The following EZH2 variants were observed in gnomAD, a reference collection of about 807,000 sequenced individuals.
EZH2 encodes the protein enhancer of zeste 2 polycomb repressive complex 2 subunit, also known as histone-lysine N-methyltransferase EZH2.
A neutral mutation model predicts 98.4 loss-of-function variants in EZH2; 18 were observed. That is an observed-to-expected ratio of 0.18 (90% CI 0.13 to 0.27). The LOEUF (loss-of-function observed/expected upper bound fraction) is 0.27, where lower values mean the gene tolerates loss of function less well. Among genes scored for constraint, EZH2 ranks in the 10% least tolerant of loss-of-function variants. EZH2 has a pLI of 1.00. For synonymous variants in EZH2, 338 were observed against 312.3 expected, an observed-to-expected ratio of 1.08 and a Z score of -0.87; for missense variants, 470 against 935.1, an observed-to-expected ratio of 0.50 and a Z score of 6.49.
At chr7:148,874,086 T>G (rs771104040) in intron 1 of EZH2, among the ~76,000 whole-genome samples, 1 of 151,974 alleles carries the variant, frequency 6.6e-6, no homozygotes, top group Non-Finnish European at 1.5e-5. Context: ...GAGAAAGATA[T>G]AAGAAGAAAA....
At chr7:148,869,669 T>C (rs1819054739) in intron 1 of EZH2, among the ~76,000 whole-genome samples, 1 of 152,242 alleles carries the variant, frequency 6.6e-6, no homozygotes, top group Admixed American at 6.5e-5. Context: ...GCCCACTACC[T>C]GAGGGAACCT....
In EZH2 at chr7:148,827,229, A is replaced by G. The variant is rs755014667; in HGVS notation, c.663T>C (p.Asp221=). 6.2e-7 allele frequency: 1 copy of G among 1,613,912 alleles called. No homozygotes were observed. Among genetic ancestry groups the G allele is most frequent in the South Asian group, 1.1e-5 (1 of 91,052 alleles). ...TTGAGGAAATGGCTTCAAAAATTTT[A>G]TCAGAAGGAAATTTCCGAGGTGGGC... ...ESRPPRKFPS[D]KIFEAISSMF... Residue 221 remains aspartate (D), a synonymous_variant, in exon 7 of 20, where the codon GAT becomes GAC. Coordinates refer to ENST00000320356, the MANE Select transcript of EZH2 (RefSeq NM_004456.5).
intron 19 of EZH2, 52 bp from the exon 20 acceptor site, chr7:148,807,758 G>GTTAAGTCAAGT: frequency 7.9e-7 from 1 of 1,261,714 alleles, no homozygotes; most frequent in Non-Finnish European, 1.1e-6. Context: ...TCCAACATGT[G>GTTAAGTCAAGT]CTGAGACTTA....
At chr7:148,829,648 C>T in intron 5 of EZH2, 80 bp downstream of exon 5, 1 of 1,474,502 alleles carries the variant, frequency 6.8e-7, no homozygotes, top group Non-Finnish European at 9.1e-7. Flanking sequence ...AAATTTTTCT[C>T]ATGCCCTATA....
intron 1 of EZH2, among the ~76,000 whole-genome samples, chr7:148,878,586 CA>C (rs1585323650): frequency 1.3e-5 from 2 of 152,132 alleles, no homozygotes; most frequent in East Asian, 3.9e-4. Context: ...TTGGCAGACA[CA>C]AGGTGGTTCT....
At chr7:148,840,580 G>A (rs939510321) in intron 3 of EZH2, among the ~76,000 whole-genome samples, 2 of 152,238 alleles carry the variant, frequency 1.3e-5, no homozygotes, top group South Asian at 4.1e-4. Context: ...GATCTGTTCA[G>A]TGGAGAGAAA....
chr7:148,841,903 A>T (rs1199011881), intron 3 of EZH2, among the ~76,000 whole-genome samples: 1 of 152,166 alleles, frequency 6.6e-6, no homozygotes, highest in African/African-American at 2.4e-5. Context: ...CCCCCAAAAA[A>T]ATCTGCTAAT....
At chr7:148,819,503 G>T in intron 9 of EZH2, 93 bp downstream of exon 9, 1 of 948,384 alleles carries the variant, frequency 1.1e-6, no homozygotes, top group Non-Finnish European at 1.7e-6. Context: ...TAACAGCATG[G>T]GTGCAGACAA....
At chr7:148,851,045 C>T (rs957200972) in intron 1 of EZH2, among the ~76,000 whole-genome samples, 9 of 151,968 alleles carry the variant, frequency 5.9e-5, no homozygotes, top group Admixed American at 2.6e-4. Context: ...GGGGGTGGGG[C>T]GGCTATAGAC....
chr7:148,873,933 T>A (rs1819828215), intron 1 of EZH2, among the ~76,000 whole-genome samples: 1 of 151,958 alleles, frequency 6.6e-6, no homozygotes, highest in Admixed American at 6.6e-5. Context: ...TTGGTTGGGA[T>A]GGGAGAGGGG....
chr7:148,864,734 G>GA (rs1481217899), intron 1 of EZH2, among the ~76,000 whole-genome samples: 1 of 149,994 alleles, frequency 6.7e-6, no homozygotes, highest in African/African-American at 2.4e-5. Flanking sequence ...AGTTTTTCTT[G>GA]AAAACTATAC....
intron 19 of EZH2, among the ~76,000 whole-genome samples, 158 bp downstream of exon 19, chr7:148,808,909 TAATA>T (rs1416221563): frequency 6.6e-6 from 1 of 152,176 alleles, no homozygotes; most frequent in South Asian, 2.1e-4. Flanking sequence ...TATAAATGGA[TAATA>T]AATACATAAC....
intron 3 of EZH2, among the ~76,000 whole-genome samples, chr7:148,836,418 CTTAT>C (rs1156514860): frequency 6.6e-6 from 1 of 152,138 alleles, no homozygotes; most frequent in East Asian, 1.9e-4. Flanking sequence ...ACGTGGGATT[CTTAT>C]TTATTGACTT....
chr7:148,822,488 C>T lies in EZH2; in HGVS notation c.908-2801G>A, dbSNP rs552875313. Among the ~76,000 whole-genome samples the T allele has an allele frequency of 8.0e-5, 12 of 149,628 alleles. No homozygotes were observed. In the South Asian group the frequency reaches 1.9e-3, roughly 24 times the overall value. On this transcript the variant is annotated intron_variant, in intron 8 of 19. Coordinates refer to ENST00000320356, the MANE Select transcript of EZH2 (RefSeq NM_004456.5). Reference sequence around the variant, plus strand: ...TCACACCATTGCACTCCAGCCTGAGCGACAGAGCAAGACTGTCTCAAAAAA... The same window carrying T: ...TCACACCATTGCACTCCAGCCTGAGTGACAGAGCAAGACTGTCTCAAAAAA...
intron 19 of EZH2, among the ~76,000 whole-genome samples, chr7:148,808,257 G>A (rs1430031504): frequency 6.6e-6 from 1 of 152,224 alleles, no homozygotes; most frequent in Non-Finnish European, 1.5e-5. Flanking sequence ...TTCAGAGCCA[G>A]CCTGGAGTGA....
At position 148,883,461 on chromosome 7, in the gene EZH2, G is replaced by A. The variant is rs113739503; in HGVS notation, c.-8+703C>T. The A allele has an allele frequency of 8.5e-3, 1,301 of 152,228 alleles. 15 individuals carry two copies. The highest frequency in any genetic ancestry group is 0.012 in the Non-Finnish European group (810 of 68,076). 9.4% of individuals were successfully genotyped at this position (152,228 alleles called of 1,614,324 possible). A position where few individuals can be genotyped will look rare whatever the true frequency, so the allele number is the denominator to read the frequency against. On this transcript the variant is annotated intron_variant, in intron 1 of 19. Coordinates refer to ENST00000320356, the MANE Select transcript of EZH2 (RefSeq NM_004456.5). ...GGGGGATTTCGGGGTGCGTCGTGGG[G>A]AAACGTCAGAGGCGAAGCTACTCCG...
At chr7:148,846,622 G>T in intron 2 of EZH2, 24 bp from the exon 3 acceptor site, 1 of 1,601,432 alleles carries the variant, frequency 6.2e-7, no homozygotes. Context: ...ATGAAGGAGA[G>T]GAAAGGAGAA....
chr7:148,816,956 G>C (rs1804725864), intron 11 of EZH2, 178 bp from the exon 12 acceptor site: 3 of 598,980 alleles, frequency 5.0e-6, no homozygotes, highest in Non-Finnish European at 8.7e-6. Context: ...TTATATTCTG[G>C]TCAAGAACTG....
intron 2 of EZH2, among the ~76,000 whole-genome samples, chr7:148,846,857 TG>T (rs1814236584): frequency 6.7e-6 from 1 of 148,938 alleles, no homozygotes; most frequent in Non-Finnish European, 1.5e-5. Flanking sequence ...TGTGTGTGTG[TG>T]TGTGTGTGTG....
Sources: gnomAD v4.1 joint callset for allele counts (sites outside exome capture counted in the v4.1 genomes callset) on GRCh38, gnomAD v4.1.1 for gene constraint, MANE v1.5 for transcripts, NCBI Gene and HGNC (gene_info 2026-07-23, HGNC 2026-07-21) for gene names.